The following NTN1 variants were observed in gnomAD, a reference collection of about 807,000 sequenced individuals.
NTN1 encodes the protein netrin-1.
In NTN1, 11 loss-of-function variants were observed where a neutral mutation model predicts 54.2. The observed-to-expected ratio is 0.20, with a 90% CI of 0.13 to 0.34. NTN1 has a LOEUF of 0.34. Among genes scored for constraint, NTN1 ranks in the 10% least tolerant of loss-of-function variants. The pLI is 1.00. For synonymous variants in NTN1, 371 were observed against 382.0 expected (o/e 0.97, Z 0.33); for missense variants, 740 against 893.1 (o/e 0.83, Z 2.18).
intron 2 of NTN1, among the ~76,000 whole-genome samples, chr17:9,062,606 C>G (rs2092002329): frequency 6.6e-6 from 1 of 152,162 alleles, no homozygotes; most frequent in South Asian, 2.1e-4. Context: ...AATGCTAATT[C>G]ACAACCATGA....
chr17:9,083,402 CTG>C (rs1398590870), intron 2 of NTN1, among the ~76,000 whole-genome samples: 1 of 152,252 alleles, frequency 6.6e-6, no homozygotes, highest in Non-Finnish European at 1.5e-5. Flanking sequence ...AGCTGATTGT[CTG>C]TGGTTTTGTA....
intron 6 of NTN1, among the ~76,000 whole-genome samples, chr17:9,227,030 C>T (rs775849069): frequency 5.3e-5 from 8 of 152,090 alleles, no homozygotes; most frequent in Non-Finnish European, 1.0e-4. Flanking sequence ...CTGTTCCCTT[C>T]CCGTCTCCCT....
At position 9,129,138 on chromosome 17, in the gene NTN1, G is replaced by A. The variant is rs557455559; in HGVS notation, c.1019-33675G>A. On this transcript the variant is annotated intron_variant, in intron 2 of 6. Coordinates refer to ENST00000173229, the MANE Select transcript of NTN1 (RefSeq NM_004822.3). ...GGGCGAGATTAACACCCTCAATTACGTCTTTGCAGAACTCAGACCTGAGGA... is the reference window on the plus strand; with the variant it reads ...GGGCGAGATTAACACCCTCAATTACATCTTTGCAGAACTCAGACCTGAGGA... 7.2e-5 allele frequency among the ~76,000 whole-genome samples: 11 copies of A among 152,234 alleles called. No homozygotes were observed. In the East Asian group the frequency reaches 1.9e-3, roughly 27 times the overall value.
intron 2 of NTN1, among the ~76,000 whole-genome samples, chr17:9,158,117 A>G (rs1304548580): frequency 6.6e-6 from 1 of 152,242 alleles, no homozygotes; most frequent in East Asian, 1.9e-4. Context: ...AAGTCTGAGC[A>G]TGGGCATTTG....
At chr17:9,203,899 T>C (rs1904885465) in intron 5 of NTN1, among the ~76,000 whole-genome samples, 1 of 152,188 alleles carries the variant, frequency 6.6e-6, no homozygotes, top group Non-Finnish European at 1.5e-5. Context: ...CTAAAAACCA[T>C]GCCCTCTAAG....
chr17:9,003,430 T>TGGCGCGCTC, the NTN1 span, among the ~76,000 whole-genome samples: 1 of 151,296 alleles, frequency 6.6e-6, no homozygotes, highest in African/African-American at 2.4e-5. This position sits in a 1 kb window ranked among gnomAD's most constrained non-coding sequence, Gnocchi z 7.4. Context: ...CCTGCGCACT[T>TGGCGCGCTC]GGCGCGCTCT....
chr17:9,162,625 G>A (rs930073201), intron 2 of NTN1, among the ~76,000 whole-genome samples, 188 bp from the exon 3 acceptor site: 2 of 152,186 alleles, frequency 1.3e-5, no homozygotes, highest in South Asian at 2.1e-4. Context: ...GTATTGTTAC[G>A]TGCCCAATAA....
chr17:9,170,451 G>A (rs2092384380), intron 3 of NTN1, among the ~76,000 whole-genome samples: 3 of 152,192 alleles, frequency 2.0e-5, no homozygotes. Flanking sequence ...AGGAGAACCG[G>A]CCCCTCTTGC....
At chr17:9,012,726 C>T in the NTN1 span, among the ~76,000 whole-genome samples, 9 of 152,104 alleles carry the variant, frequency 5.9e-5, no homozygotes, top group Non-Finnish European at 1.3e-4. Context: ...CCTCCTGGCA[C>T]GTCCTGTTCC....
intron 2 of NTN1, among the ~76,000 whole-genome samples, chr17:9,031,571 AC>A (rs1275050773): frequency 2.0e-5 from 3 of 152,168 alleles, no homozygotes; most frequent in Admixed American, 6.6e-5. Flanking sequence ...CAACCTGCAG[AC>A]AGAGAAGTAC....
At chr17:9,214,469 G>A (rs887304116) in intron 5 of NTN1, among the ~76,000 whole-genome samples, 5 of 152,192 alleles carry the variant, frequency 3.3e-5, no homozygotes, top group South Asian at 4.1e-4. Flanking sequence ...CTCTTGGTTC[G>A]TTTCTTGTTT....
At chr17:9,136,068 A>C (rs1453617349) in intron 2 of NTN1, among the ~76,000 whole-genome samples, 1 of 152,166 alleles carries the variant, frequency 6.6e-6, no homozygotes, top group Non-Finnish European at 1.5e-5. Flanking sequence ...GCTTTCTGGA[A>C]TCTTCCTAGA....
At chr17:9,178,797 C>T (rs923173736) in intron 3 of NTN1, 6 of 152,424 alleles carry the variant, frequency 3.9e-5, no homozygotes, top group African/African-American at 1.4e-4. Flanking sequence ...ACTCTGAGGC[C>T]ACCGCCTAGC....
intron 2 of NTN1, among the ~76,000 whole-genome samples, chr17:9,069,510 G>C (rs760872842): frequency 6.6e-6 from 1 of 152,186 alleles, no homozygotes. Context: ...CACTTTCACT[G>C]CGTTAAAAAC....
At chr17:9,028,331 A>G (rs2091877928) in intron 2 of NTN1, among the ~76,000 whole-genome samples, 1 of 152,166 alleles carries the variant, frequency 6.6e-6, no homozygotes, top group South Asian at 2.1e-4. Flanking sequence ...ATTCATCTCT[A>G]CTGGCCCCAT....
intron 2 of NTN1, among the ~76,000 whole-genome samples, chr17:9,065,995 A>G (rs1173034326): frequency 1.3e-5 from 2 of 152,260 alleles, no homozygotes; most frequent in Non-Finnish European, 2.9e-5. Context: ...TAAAACATAT[A>G]TACAATAAAT....
intron 2 of NTN1, among the ~76,000 whole-genome samples, chr17:9,050,318 G>A (rs758236855): frequency 2.6e-5 from 4 of 151,736 alleles, no homozygotes; most frequent in Admixed American, 6.6e-5. Flanking sequence ...CTTGAGCATC[G>A]TGAGTCCTGC....
intron 2 of NTN1, among the ~76,000 whole-genome samples, chr17:9,045,392 G>A (rs1325035999): frequency 6.6e-6 from 1 of 152,178 alleles, no homozygotes; most frequent in Non-Finnish European, 1.5e-5. Flanking sequence ...TTGGCTGTGG[G>A]ATATGCCAAC....
the NTN1 span, among the ~76,000 whole-genome samples, chr17:9,011,820 C>T: frequency 1.3e-5 from 2 of 152,242 alleles, no homozygotes; most frequent in Admixed American, 1.3e-4. Flanking sequence ...GATCTCTTGA[C>T]CTCGTGATCC....
Sources: gnomAD v4.1 joint callset for allele counts (sites outside exome capture counted in the v4.1 genomes callset) on GRCh38, gnomAD v4.1.1 for gene constraint, Gnocchi (gnomAD v3.1) non-coding constraint, MANE v1.5 for transcripts, NCBI Gene and HGNC (gene_info 2026-07-23, HGNC 2026-07-21) for gene names.